Variants in SPTB observed in about 807,000 individuals in gnomAD.
SPTB encodes spectrin beta, erythrocytic.
In SPTB, 45 loss-of-function variants were observed where a neutral mutation model predicts 256.2. The observed-to-expected ratio is 0.18, with a 90% confidence interval of 0.14 to 0.23. SPTB has a LOEUF of 0.23. Among genes scored for constraint, SPTB ranks in the 10% least tolerant of loss-of-function variants. The probability of loss-of-function intolerance (pLI) is 1.00; values close to 1 mark genes in which losing one functional copy is unlikely to be tolerated. For missense variants in SPTB, 2,715 were observed against 3,040.4 expected (o/e 0.89, Z 2.52); for synonymous variants, 1,231 against 1,243.1 (o/e 0.99, Z 0.21).
At position 64,786,301 on chromosome 14, in the gene SPTB, C is replaced by T. The variant is rs1208072006; in HGVS notation, c.3561+103G>A. 3 of 1,469,828 alleles carry T rather than the reference C, an allele frequency of 2.0e-6. No individual in the cohort carries two copies. The highest frequency in any genetic ancestry group is 2.8e-6 in the Non-Finnish European group (3 of 1,058,546). 91.0% of individuals were successfully genotyped at this position (1,469,828 alleles called of 1,614,324 possible). On this transcript the variant is annotated intron_variant, in intron 16 of 35. Transcript: ENST00000644917. This position sits in a 1 kb window ranked among gnomAD's most constrained non-coding sequence, Gnocchi z 5.6. Reference sequence around the variant, plus strand: ...CCATGAGTGAATACAGAGTACAAGACAAGAGTAATGTGGTCCCTGAGTCTT... The same window carrying T: ...CCATGAGTGAATACAGAGTACAAGATAAGAGTAATGTGGTCCCTGAGTCTT...
intron 3 of SPTB, among the ~76,000 whole-genome samples, chr14:64,804,242 G>GT (rs1364934112): frequency 6.6e-6 from 1 of 152,192 alleles, no homozygotes; most frequent in African/African-American, 2.4e-5. Context: ...TTCCCCATGG[G>GT]TAACTCTCTC....
intron 32 of SPTB, 63 bp downstream of exon 32, chr14:64,766,663 G>T: frequency 6.2e-7 from 1 of 1,613,264 alleles, no homozygotes; most frequent in Non-Finnish European, 8.5e-7. Context: ...GAGCCTAGTA[G>T]GGGTGAGAGG....
intron 2 of SPTB, among the ~76,000 whole-genome samples, chr14:64,808,466 C>A (rs1271700003): frequency 6.6e-6 from 1 of 152,150 alleles, no homozygotes; most frequent in Non-Finnish European, 1.5e-5. Context: ...ACCTGAAACC[C>A]TTCAAAGGTT....
At position 64,790,253 on chromosome 14, in the gene SPTB, T is replaced by C. The variant is rs2139581344; in HGVS notation, c.2804+1466A>G. Among the ~76,000 whole-genome samples, 1 of 152,274 alleles carries C rather than the reference T, an allele frequency of 6.6e-6. No homozygotes were observed. Among genetic ancestry groups the C allele is most frequent in the Admixed American group, 6.5e-5 (1 of 15,292 alleles). ...CACTTAAGGATGGCAGGTACCTTGATATTTTTCTCTTGGGGATGGGGCCTG... is the reference window on the plus strand; with the variant it reads ...CACTTAAGGATGGCAGGTACCTTGACATTTTTCTCTTGGGGATGGGGCCTG... On this transcript the variant is annotated intron_variant, in intron 15 of 35. Coordinates refer to ENST00000644917, the MANE Select transcript of SPTB (RefSeq NM_001355436.2). This position sits in a 1 kb window ranked among gnomAD's most constrained non-coding sequence, Gnocchi z 4.8.
intron 1 of SPTB, among the ~76,000 whole-genome samples, chr14:64,846,901 C>A (rs751032297): frequency 2.0e-5 from 3 of 152,148 alleles, no homozygotes; most frequent in Non-Finnish European, 4.4e-5. Flanking sequence ...ATCAGGAGCT[C>A]CTTCCACGGC....
At position 64,776,542 on chromosome 14, in the gene SPTB, A is replaced by G. The variant is rs938841245; in HGVS notation, c.4564-1139T>C. 5.3e-5 allele frequency among the ~76,000 whole-genome samples: 8 copies of G among 152,164 alleles called. No homozygotes were observed. The East Asian group carries it at 1.5e-3, about 29-fold the overall frequency. On this transcript the variant is annotated intron_variant, in intron 22 of 35. Coordinates refer to ENST00000644917, the MANE Select transcript of SPTB (RefSeq NM_001355436.2). The stretch of plus-strand genomic sequence containing the variant: ...CTGAGCCTCAACTTCCCAGGCTCAG[A>G]TGATTCTCCCACCTCAGCCTCCCAA...
rs1217586430 is a variant in SPTB at position 64,767,880 on chromosome 14, C to T, written c.6023-21G>A. On this transcript the variant is annotated intron_variant, in intron 29 of 35. Transcript: ENST00000644917. The stretch of plus-strand genomic sequence containing the variant: ...CAGCACTGCCAGGGGGAACAGGACA[C>T]AGACCCCCCACAAGGCCCAGGGCCT... 1.9e-6 allele frequency: 3 copies of T among 1,612,712 alleles called. No individual in the cohort carries two copies. The African/African-American group carries it at 4.0e-5, about 22-fold the overall frequency.
rs1331108244 is a variant in SPTB at position 64,793,542 on chromosome 14, C to T, written c.2121G>A (p.Lys707=). 1.2e-5 allele frequency: 20 copies of T among 1,614,046 alleles called. No individual in the cohort carries two copies. The highest frequency in any genetic ancestry group is 1.7e-5 in the Non-Finnish European group (20 of 1,180,038). ...CCTCGATCTGCGGGTGCCCAAACTG[C>T]TTGCGCGCAACCATGCCATGAGCCT... The part of the protein sequence containing the change: ...FQEAHGMVAR[K]QFGHPQIEAR... The change falls in exon 14 of 36, where the codon AAG becomes AAA. Residue 707 remains lysine (K), a synonymous_variant. Coordinates refer to ENST00000644917, the MANE Select transcript of SPTB (RefSeq NM_001355436.2). The surrounding 1 kb of genome is among the most constrained non-coding windows in gnomAD (Gnocchi z 7.0).
intron 30 of SPTB, 22 bp downstream of exon 30, chr14:64,767,641 C>T: frequency 6.2e-7 from 1 of 1,613,374 alleles, no homozygotes; most frequent in Non-Finnish European, 8.5e-7. Flanking sequence ...TCCTGAGCCT[C>T]CCAGCACTGT....
At chr14:64,776,020 C>T (rs951935678) in intron 22 of SPTB, among the ~76,000 whole-genome samples, 5 of 152,174 alleles carry the variant, frequency 3.3e-5, no homozygotes, top group Admixed American at 2.0e-4. Context: ...TGAACACAGC[C>T]TCTTCCTCCC....
intron 33 of SPTB, among the ~76,000 whole-genome samples, chr14:64,751,584 C>G (rs2139424899): frequency 6.6e-6 from 1 of 152,104 alleles, no homozygotes; most frequent in Non-Finnish European, 1.5e-5. Context: ...TCTGATCTTA[C>G]CTTGAAGTAC....
In SPTB at chr14:64,807,420, C is replaced by A. The variant is rs2083005101; in HGVS notation, c.149-2330G>T. Among the ~76,000 whole-genome samples the A allele has an allele frequency of 6.6e-6, 1 of 152,194 alleles. No homozygotes were observed. The highest frequency in any genetic ancestry group is 1.5e-5 in the Non-Finnish European group (1 of 68,044). On this transcript the variant is annotated intron_variant, in intron 2 of 35. Coordinates refer to ENST00000644917, the MANE Select transcript of SPTB (RefSeq NM_001355436.2). This position sits in a 1 kb window ranked among gnomAD's most constrained non-coding sequence, Gnocchi z 4.7. ...GAAATATCAGAAAGCACCCTTAGAT[C>A]TCCCCAGTTTTTACCACATGAATGA...
At chr14:64,783,572 C>T (rs229636) in intron 19 of SPTB, among the ~76,000 whole-genome samples, 79,994 of 151,994 alleles carry the variant, frequency 0.53, 23,262 homozygotes, top group East Asian at 0.79. Flanking sequence ...TGTCTTTAAG[C>T]ATTTAGTGCT....
Position 64,796,465 on chromosome 14 carries a change from G to A in SPTB, c.1341+92C>T, listed in dbSNP as rs2082770930. ...GTGCTGCAAGGCACGAGGAGAGGCT[G>A]TGAGAAGCCAGCTTGGACTCCAGCC... On this transcript the variant is annotated intron_variant, in intron 11 of 35. Coordinates refer to ENST00000644917, the MANE Select transcript of SPTB (RefSeq NM_001355436.2). The surrounding 1 kb of genome is among the most constrained non-coding windows in gnomAD (Gnocchi z 4.1). 1 of 1,576,892 alleles carries A rather than the reference G, an allele frequency of 6.3e-7. No homozygotes were observed. The highest frequency in any genetic ancestry group is 8.7e-7 in the Non-Finnish European group (1 of 1,151,320).
chr14:64,760,119 C>T lies in SPTB; in HGVS notation c.6346-6326G>A, dbSNP rs1035056130. On this transcript the variant is annotated intron_variant, in intron 32 of 35. Transcript: ENST00000644917. The surrounding 1 kb of genome is among the most constrained non-coding windows in gnomAD (Gnocchi z 4.3). ...TAGTCAAACCAACAGGGAGAGGCCA[C>T]AGGCTCCCAATGGGTGCGGGATGGC... Among the ~76,000 whole-genome samples, 1 of 152,180 alleles carries T rather than the reference C, an allele frequency of 6.6e-6. No homozygotes were observed. Among genetic ancestry groups the T allele is most frequent in the Non-Finnish European group, 1.5e-5 (1 of 68,040 alleles).
chr14:64,855,023 A>G (rs2083849945), intron 1 of SPTB, among the ~76,000 whole-genome samples: 1 of 152,066 alleles, frequency 6.6e-6, no homozygotes, highest in African/African-American at 2.4e-5. Context: ...ATTTACGGCA[A>G]CTCGCCGGAA....
At chr14:64,750,562 G>A (rs958034875) in intron 33 of SPTB, among the ~76,000 whole-genome samples, 1 of 151,878 alleles carries the variant, frequency 6.6e-6, no homozygotes, top group African/African-American at 2.4e-5. Context: ...GACCGCCTGA[G>A]GTCAGGAGTT....
chr14:64,772,749 G>A lies in SPTB; in HGVS notation c.5384C>T (p.Ala1795Val). 1 of 1,613,888 alleles carries A rather than the reference G, an allele frequency of 6.2e-7. No individual in the cohort carries two copies. The highest frequency in any genetic ancestry group is 8.5e-7 in the Non-Finnish European group (1 of 1,180,026). The change falls in exon 26 of 36, where the codon GCC (alanine) becomes GTC (valine). Residue 1795 changes from alanine (A) to valine (V), a missense_variant. Ala to Val is a moderately conservative substitution (Grantham distance 64). This residue lies in a region of SPTB where 2,239 missense variants were observed against 2,384.4 expected (regional missense o/e 0.94). Transcript: ENST00000644917. This position sits in a 1 kb window ranked among gnomAD's most constrained non-coding sequence, Gnocchi z 5.4. ...LIDTRMQLLA[A>V]SYDLHRYFYT... ...GAAGTAGCGGTGCAGGTCATAGGAG[G>A]CGGCCAGCAGCTGCATGCGCGTGTC...
chr14:64,793,062 C>A lies in SPTB; in HGVS notation c.2601G>T (p.Lys867Asn). The A allele has an allele frequency of 6.2e-7, 1 of 1,614,116 alleles. No individual in the cohort carries two copies. Among genetic ancestry groups the A allele is most frequent in the Non-Finnish European group, 8.5e-7 (1 of 1,180,042 alleles). ...TTTCCATCTCGGCCAGCCACTTCTCCTTCTCTCCCATCCACAGCTCACAGG... is the reference window on the plus strand; with the variant it reads ...TTTCCATCTCGGCCAGCCACTTCTCATTCTCTCCCATCCACAGCTCACAGG... Reference protein sequence around the residue: ...TDACELWMGEKEKWLAEMEMP... With the variant: ...TDACELWMGENEKWLAEMEMP... Residue 867 changes from lysine (K) to asparagine (N), a missense_variant, in exon 14 of 36, where the codon AAG (lysine) becomes AAT (asparagine). Lys to Asn is a moderately conservative substitution (Grantham distance 94, BLOSUM62 0). Transcript: ENST00000644917. This position sits in a 1 kb window ranked among gnomAD's most constrained non-coding sequence, Gnocchi z 7.0.
Sources: allele counts gnomAD v4.1 joint callset (sites outside exome capture counted in the v4.1 genomes callset), GRCh38; gene constraint gnomAD v4.1.1; regional missense constraint gnomAD v4.1.1; non-coding constraint Gnocchi (gnomAD v3.1); transcripts MANE v1.5; gene names NCBI Gene and HGNC (gene_info 2026-07-23, HGNC 2026-07-21).